Variants in CMTM8 observed in about 807,000 individuals in gnomAD.
CMTM8 encodes the protein CKLF-like MARVEL transmembrane domain-containing protein 8.
CMTM8 carries 12 observed loss-of-function variants against 18.6 expected under a neutral mutation model. The observed-to-expected ratio is 0.65, with a 90% CI of 0.41 to 1.05. The LOEUF is 1.05. CMTM8 is among the 50% of genes least tolerant of loss of function. The pLI is 0.00. For missense variants in CMTM8, 217 were observed against 227.2 expected (o/e 0.95, Z 0.29); for synonymous variants, 87 against 90.6 (o/e 0.96, Z 0.23).
At chr3:32,260,036 C>A (rs1575149114) in intron 1 of CMTM8, 1 of 1,142,390 alleles carries the variant, frequency 8.8e-7, no homozygotes, top group East Asian at 2.4e-5. Flanking sequence ...CAAGGCCCTG[C>A]TGAACATCAA....
At chr3:32,250,527 C>T (rs1702099311) in intron 1 of CMTM8, among the ~76,000 whole-genome samples, 1 of 152,082 alleles carries the variant, frequency 6.6e-6, no homozygotes, top group Admixed American at 6.6e-5. Context: ...CATGGGATGT[C>T]TTTATATTTA....
At chr3:32,331,571 G>C (rs1696275623) in intron 1 of CMTM8, among the ~76,000 whole-genome samples, 1 of 148,180 alleles carries the variant, frequency 6.7e-6, no homozygotes, top group Non-Finnish European at 1.5e-5. Flanking sequence ...AAAGGATCTT[G>C]AGATATTTGC....
intron 1 of CMTM8, among the ~76,000 whole-genome samples, chr3:32,290,636 AAAC>A (rs1288080914): frequency 1.3e-5 from 2 of 152,234 alleles, no homozygotes; most frequent in Non-Finnish European, 2.9e-5. Flanking sequence ...CAAGTATTAA[AAAC>A]AAATTTTTCT....
intron 1 of CMTM8, among the ~76,000 whole-genome samples, chr3:32,351,562 A>G (rs1696707784): frequency 6.6e-6 from 1 of 151,910 alleles, no homozygotes; most frequent in African/African-American, 2.4e-5. Context: ...TGAAAATCAA[A>G]AAGTTAGCCA....
chr3:32,360,823 A>C (rs1195048521), intron 2 of CMTM8, among the ~76,000 whole-genome samples: 1 of 152,196 alleles, frequency 6.6e-6, no homozygotes, highest in African/African-American at 2.4e-5. Context: ...ATTTGTACTG[A>C]CTGAATCAGA....
intron 1 of CMTM8, among the ~76,000 whole-genome samples, chr3:32,299,933 C>T (rs2125562351): frequency 6.6e-6 from 1 of 152,302 alleles, no homozygotes; most frequent in East Asian, 1.9e-4. Context: ...ACGGGTAATA[C>T]ATAACTGAAT....
intron 1 of CMTM8, among the ~76,000 whole-genome samples, chr3:32,261,538 ATTTG>A (rs138195374): frequency 0.014 from 2,165 of 152,206 alleles, 47 homozygotes; most frequent in Middle Eastern, 0.054. Flanking sequence ...GGAAAATACC[ATTTG>A]TTTGTTTGTT....
rs368296659 is a variant in CMTM8 at position 32,244,084 on chromosome 3, G to A, written c.147+4965G>A. Reference sequence around the variant, plus strand: ...CCCCCTGCGCCGCCCTGACAAGTACGTGAGGAGAGGGAGCTGTGGAAGGTC... The same window carrying A: ...CCCCCTGCGCCGCCCTGACAAGTACATGAGGAGAGGGAGCTGTGGAAGGTC... On this transcript the variant is annotated intron_variant, in intron 1 of 3. Coordinates refer to ENST00000307526, the MANE Select transcript of CMTM8 (RefSeq NM_178868.5). 196 of 157,472 alleles carry A rather than the reference G, an allele frequency of 1.2e-3. 3 individuals carry two copies. Among genetic ancestry groups the A allele is most frequent in the African/African-American group, 4.6e-3 (192 of 41,758 alleles). The allele number at this position is 157,472 out of a possible 1,614,324, so 9.8% of individuals were successfully genotyped here. A position where few individuals can be genotyped will look rare whatever the true frequency, so the allele number is the denominator to read the frequency against.
intron 1 of CMTM8, among the ~76,000 whole-genome samples, chr3:32,328,228 T>A (rs112404288): frequency 0.057 from 8,720 of 151,668 alleles, 857 homozygotes; most frequent in African/African-American, 0.2. Context: ...ATACAAAAAA[T>A]TAGCCAGGTA....
chr3:32,318,589 C>T (rs557238706), intron 1 of CMTM8, among the ~76,000 whole-genome samples: 57 of 129,492 alleles, frequency 4.4e-4, no homozygotes, highest in African/African-American at 1.6e-3. Context: ...TTTTTTGAGA[C>T]AGAGTCTCAC....
At chr3:32,273,414 A>G (rs1702471950) in intron 1 of CMTM8, among the ~76,000 whole-genome samples, 1 of 152,232 alleles carries the variant, frequency 6.6e-6, no homozygotes, top group African/African-American at 2.4e-5. Flanking sequence ...ATTATTCATA[A>G]TAGGCAAAAG....
intron 1 of CMTM8, among the ~76,000 whole-genome samples, chr3:32,239,322 G>A (rs1701914285): frequency 6.6e-6 from 1 of 152,120 alleles, no homozygotes; most frequent in Admixed American, 6.5e-5. Context: ...AAAGGGTTGT[G>A]ATCCTCAGGA....
intron 1 of CMTM8, among the ~76,000 whole-genome samples, chr3:32,267,015 G>C (rs1196846927): frequency 1.3e-5 from 2 of 152,092 alleles, no homozygotes; most frequent in African/African-American, 4.8e-5. Context: ...CGTGAAAATG[G>C]CCATACTGCC....
intron 1 of CMTM8, among the ~76,000 whole-genome samples, chr3:32,263,139 C>T (rs969871386): frequency 1.3e-5 from 2 of 152,122 alleles, no homozygotes; most frequent in African/African-American, 4.8e-5. Flanking sequence ...GATCTGAGAA[C>T]GGACAGACTG....
intron 1 of CMTM8, among the ~76,000 whole-genome samples, chr3:32,293,978 G>A (rs903931546): frequency 2.0e-5 from 3 of 152,182 alleles, no homozygotes; most frequent in Non-Finnish European, 4.4e-5. Context: ...TGGGGTTGCA[G>A]GATCAAGGGT....
chr3:32,307,275 G>T (rs753052222), intron 1 of CMTM8, among the ~76,000 whole-genome samples: 1 of 152,216 alleles, frequency 6.6e-6, no homozygotes, highest in East Asian at 1.9e-4. Context: ...GGAAGGTAGA[G>T]GTTTTCAGTG....
At chr3:32,249,369 G>T (rs925302394) in intron 1 of CMTM8, among the ~76,000 whole-genome samples, 1 of 151,300 alleles carries the variant, frequency 6.6e-6, no homozygotes, top group Non-Finnish European at 1.5e-5. Flanking sequence ...AGTTGAAGCT[G>T]CAGTGAGCTG....
intron 1 of CMTM8, among the ~76,000 whole-genome samples, chr3:32,241,992 C>G (rs1428459960): frequency 6.6e-6 from 1 of 152,234 alleles, no homozygotes; most frequent in Non-Finnish European, 1.5e-5. Flanking sequence ...ACTGGCCTCT[C>G]TGGGAGCCTC....
At chr3:32,367,776 T>A in intron 2 of CMTM8, 96 bp from the exon 3 acceptor site, 14 of 733,622 alleles carry the variant, frequency 1.9e-5, no homozygotes, top group Non-Finnish European at 2.8e-5. Context: ...CTTGGGCCCC[T>A]CCCCACACCA....
Sources: allele counts gnomAD v4.1 joint callset (sites outside exome capture counted in the v4.1 genomes callset), GRCh38; gene constraint gnomAD v4.1.1; transcripts MANE v1.5; gene names NCBI Gene and HGNC (gene_info 2026-07-23, HGNC 2026-07-21).